SND1: variants seen among roughly 807,000 people sequenced by gnomAD.
The protein encoded by SND1 is staphylococcal nuclease and tudor domain containing 1.
SND1 carries 38 observed loss-of-function variants against 121.7 expected under a neutral mutation model. The ratio of observed to expected loss-of-function variants is 0.31; its 90% CI spans 0.24 to 0.41. The LOEUF (loss-of-function observed/expected upper bound fraction) is 0.41, where lower values mean the gene tolerates loss of function less well. Among genes scored for constraint, SND1 ranks in the 10% least tolerant of loss-of-function variants. The pLI is 1.00. For synonymous variants in SND1, 401 were observed against 447.4 expected (o/e 0.90, Z 1.31); for missense variants, 868 against 1,184.6 (o/e 0.73, Z 3.92).
intron 12 of SND1, among the ~76,000 whole-genome samples, chr7:127,882,070 T>C (rs1799802643): frequency 6.6e-6 from 1 of 151,844 alleles, no homozygotes; most frequent in South Asian, 2.1e-4. Context: ...CTGGGCAATA[T>C]AGCAAGCCCC....
chr7:127,699,574 T>C (rs1796067476), intron 4 of SND1, among the ~76,000 whole-genome samples: 1 of 152,190 alleles, frequency 6.6e-6, no homozygotes, highest in Non-Finnish European at 1.5e-5. Flanking sequence ...GCTTAATAGG[T>C]AAAATGTATT....
At chr7:127,854,614 G>T (rs893058207) in intron 12 of SND1, among the ~76,000 whole-genome samples, 1 of 151,208 alleles carries the variant, frequency 6.6e-6, no homozygotes, top group Non-Finnish European at 1.5e-5. Context: ...TAAGGAGAAG[G>T]GGGCATTCGA....
intron 10 of SND1, among the ~76,000 whole-genome samples, chr7:127,804,290 G>A (rs1221226835): frequency 6.6e-6 from 1 of 152,122 alleles, no homozygotes; most frequent in Non-Finnish European, 1.5e-5. Context: ...AGATCATTCT[G>A]TGGTATCTTG....
chr7:127,707,317 C>A (rs184900055), intron 8 of SND1, among the ~76,000 whole-genome samples: 26 of 152,314 alleles, frequency 1.7e-4, no homozygotes, highest in Non-Finnish European at 3.4e-4. Context: ...TGGACTTGAA[C>A]CATCTAGGCT....
chr7:127,823,716 C>T (rs534036652), intron 11 of SND1, among the ~76,000 whole-genome samples: 21 of 151,832 alleles, frequency 1.4e-4, no homozygotes, highest in Middle Eastern at 3.4e-3. Context: ...AATGAACGCT[C>T]AATTAATTAA....
intron 16 of SND1, among the ~76,000 whole-genome samples, chr7:128,065,378 T>TG (rs951591484): frequency 7.9e-5 from 12 of 152,172 alleles, no homozygotes; most frequent in East Asian, 1.9e-4. Context: ...CTGGCCCCAT[T>TG]GGGGGGGTCA....
At chr7:127,964,358 G>A (rs1177216456) in intron 15 of SND1, among the ~76,000 whole-genome samples, 1 of 144,800 alleles carries the variant, frequency 6.9e-6, no homozygotes. Flanking sequence ...GTAATGCCTA[G>A]GTTTTCTTCT....
intron 10 of SND1, among the ~76,000 whole-genome samples, chr7:127,803,684 T>C (rs759389773): frequency 5.3e-5 from 8 of 152,170 alleles, no homozygotes; most frequent in Non-Finnish European, 1.2e-4. Flanking sequence ...TAGGCCTGAA[T>C]GGGGGTTGAG....
chr7:127,693,308 T>C (rs1795953806), intron 2 of SND1, among the ~76,000 whole-genome samples: 1 of 152,178 alleles, frequency 6.6e-6, no homozygotes, highest in African/African-American at 2.4e-5. Context: ...AAAATCAAGG[T>C]GAACTTGATA....
At chr7:127,918,251 A>G (rs1800628794) in intron 14 of SND1, among the ~76,000 whole-genome samples, 1 of 151,042 alleles carries the variant, frequency 6.6e-6, no homozygotes, top group African/African-American at 2.4e-5. Context: ...TTTTCAGTAG[A>G]GAAGGGCTTT....
chr7:127,869,604 G>A (rs1799540074), intron 12 of SND1, among the ~76,000 whole-genome samples: 2 of 152,012 alleles, frequency 1.3e-5, no homozygotes, highest in Admixed American at 1.3e-4. Context: ...AGTAGAGAGA[G>A]GGCCATCCCA....
chr7:127,824,853 T>A (rs1282026010), intron 11 of SND1, among the ~76,000 whole-genome samples: 1 of 152,200 alleles, frequency 6.6e-6, no homozygotes, highest in Non-Finnish European at 1.5e-5. Flanking sequence ...TTCATCTTCT[T>A]TGTGACTAAC....
intron 2 of SND1, among the ~76,000 whole-genome samples, chr7:127,694,478 C>G (rs1049165358): frequency 2.9e-4 from 44 of 152,166 alleles, no homozygotes; most frequent in Non-Finnish European, 5.3e-4. Context: ...CAGTGGCTGG[C>G]ACATGGTATG....
intron 13 of SND1, among the ~76,000 whole-genome samples, chr7:127,901,116 C>T (rs1800223017): frequency 6.6e-6 from 1 of 152,154 alleles, no homozygotes; most frequent in African/African-American, 2.4e-5. Context: ...CTGCGGTCTG[C>T]CTACCTTCCC....
intron 9 of SND1, among the ~76,000 whole-genome samples, chr7:127,716,664 C>T (rs1473566875): frequency 6.6e-6 from 1 of 151,928 alleles, no homozygotes; most frequent in Non-Finnish European, 1.5e-5. Flanking sequence ...TCTTTCCTTC[C>T]AATTTAGATG....
At chr7:127,815,170 G>A (rs2116591860) in intron 11 of SND1, among the ~76,000 whole-genome samples, 1 of 152,268 alleles carries the variant, frequency 6.6e-6, no homozygotes, top group South Asian at 2.1e-4. Context: ...GATATGTGTA[G>A]TGGGGTTGCA....
chr7:127,685,155 A>G (rs182122932), intron 1 of SND1, among the ~76,000 whole-genome samples: 3 of 152,208 alleles, frequency 2.0e-5, no homozygotes, highest in African/African-American at 7.2e-5. Flanking sequence ...CTTATTCTTT[A>G]ATTTGTACAT....
chr7:127,902,807 C>G (rs1022920079), intron 13 of SND1, among the ~76,000 whole-genome samples: 1 of 152,112 alleles, frequency 6.6e-6, no homozygotes, highest in South Asian at 2.1e-4. Context: ...ACCTCCACCT[C>G]CTGAGTTCAA....
chr7:127,741,430 C>G (rs1394969577), intron 10 of SND1, among the ~76,000 whole-genome samples: 5 of 151,006 alleles, frequency 3.3e-5, no homozygotes, highest in Non-Finnish European at 7.4e-5. Flanking sequence ...CTTAAAATCG[C>G]CTGGGGGAAC....
Sources: allele counts gnomAD v4.1 joint callset (sites outside exome capture counted in the v4.1 genomes callset), GRCh38; gene constraint gnomAD v4.1.1; transcripts MANE v1.5; gene names NCBI Gene and HGNC (gene_info 2026-07-23, HGNC 2026-07-21).